The following FMNL2 variants were observed in gnomAD, a reference collection of about 807,000 sequenced individuals.
The protein encoded by FMNL2 is formin-like protein 2.
FMNL2 carries 51 observed loss-of-function variants against 130.2 expected under a neutral mutation model. That is an observed-to-expected ratio of 0.39 (90% CI 0.31 to 0.49). The LOEUF (loss-of-function observed/expected upper bound fraction) is 0.49. Among genes scored for constraint, FMNL2 ranks in the 20% least tolerant of loss-of-function variants. The probability of loss-of-function intolerance (pLI) is 0.85; values close to 1 mark genes in which losing one functional copy is unlikely to be tolerated. For missense variants in FMNL2, 977 were observed against 1,316.2 expected (o/e 0.74, Z 3.99); for synonymous variants, 465 against 467.1 (o/e 1.00, Z 0.06).
intron 25 of FMNL2, chr2:152,643,449 C>T (rs1350103929): frequency 3.3e-6 from 5 of 1,536,132 alleles, no homozygotes; most frequent in East Asian, 2.4e-5. Flanking sequence ...ACTGCTCGCA[C>T]CGCCAAGCGT....
intron 2 of FMNL2, among the ~76,000 whole-genome samples, chr2:152,523,212 A>G (rs1308212117): frequency 2.6e-5 from 4 of 152,224 alleles, no homozygotes; most frequent in Non-Finnish European, 5.9e-5. Context: ...GGACTTATGG[A>G]GAAATTATTT....
In FMNL2 at chr2:152,649,398, T is replaced by A. The variant is rs1683885927; in HGVS notation, c.*1493T>A. ...TATAGTTTTTTTTAATATATATATT[T>A]AACTATAAGGACAGTTTAGGGAACA... On this transcript the variant is annotated 3_prime_UTR_variant, in exon 26 of 26. Transcript: ENST00000288670. 2 of 152,498 alleles carry A rather than the reference T, an allele frequency of 1.3e-5. No individual in the cohort carries two copies. Among genetic ancestry groups the A allele is most frequent in the Non-Finnish European group, 2.9e-5 (2 of 68,022 alleles). The allele number at this position is 152,498 out of a possible 1,614,324, so 9.4% of individuals were successfully genotyped here. A position where few individuals can be genotyped will look rare whatever the true frequency, so the allele number is the denominator to read the frequency against.
intron 2 of FMNL2, among the ~76,000 whole-genome samples, chr2:152,523,033 T>C (rs953877663): frequency 7.9e-5 from 12 of 152,316 alleles, no homozygotes; most frequent in Admixed American, 7.2e-4. Context: ...CAAATATTAA[T>C]ACAAATATTA....
chr2:152,577,528 G>A (rs1229545182), intron 7 of FMNL2, among the ~76,000 whole-genome samples: 2 of 152,150 alleles, frequency 1.3e-5, no homozygotes, highest in African/African-American at 4.8e-5. Flanking sequence ...ATCAGTAGGG[G>A]TAGACTGAGA....
At position 152,631,380 on chromosome 2, in the gene FMNL2, G is replaced by A. The variant is rs930240927; in HGVS notation, c.2551-628G>A. Among the ~76,000 whole-genome samples, 9 of 113,938 alleles carry A rather than the reference G, an allele frequency of 7.9e-5. No homozygotes were observed. The East Asian group carries it at 1.6e-3, about 20-fold the overall frequency. The allele number at this position is 113,938 out of a possible 152,430, so 74.7% of individuals were successfully genotyped here. ...TGCACTCCACCCTGGGCGACAGAACGAGACTCCATCTCAAAAAAAAAAAAA... is the reference window on the plus strand; with the variant it reads ...TGCACTCCACCCTGGGCGACAGAACAAGACTCCATCTCAAAAAAAAAAAAA... On this transcript the variant is annotated intron_variant, in intron 20 of 25. Transcript: ENST00000288670.
At chr2:152,340,369 T>G (rs1342479753) in intron 1 of FMNL2, among the ~76,000 whole-genome samples, 1 of 152,222 alleles carries the variant, frequency 6.6e-6, no homozygotes, top group Non-Finnish European at 1.5e-5. Flanking sequence ...AATTCCTGTC[T>G]GGTTAGTGCA....
At position 152,624,209 on chromosome 2, in the gene FMNL2, G is replaced by A. The variant is rs539891139; in HGVS notation, c.1838-1229G>A. On this transcript the variant is annotated intron_variant, in intron 15 of 25. Coordinates refer to ENST00000288670, the MANE Select transcript of FMNL2 (RefSeq NM_052905.4). ...TTTCGCTCTTGTTACCCAGGCTAGA[G>A]TGCTATGGCGTGATCTCGGTGCACT... is the stretch of plus-strand genomic sequence containing the variant. Among the ~76,000 whole-genome samples, 5 of 150,880 alleles carry A rather than the reference G, an allele frequency of 3.3e-5. No individual in the cohort carries two copies. The East Asian group carries it at 1.0e-3, about 30-fold the overall frequency.
chr2:152,586,371 C>G (rs1311089918), intron 9 of FMNL2, among the ~76,000 whole-genome samples: 1 of 152,190 alleles, frequency 6.6e-6, no homozygotes, highest in Non-Finnish European at 1.5e-5. Flanking sequence ...GGCACTCGTG[C>G]TACACATTAT....
intron 1 of FMNL2, among the ~76,000 whole-genome samples, chr2:152,453,498 C>G (rs1028686904): frequency 1.3e-5 from 2 of 152,164 alleles, no homozygotes; most frequent in South Asian, 4.1e-4. Context: ...ATTGCCAGGA[C>G]GCTTGTTTTG....
At chr2:152,413,122 G>A (rs1167172047) in intron 1 of FMNL2, among the ~76,000 whole-genome samples, 2 of 152,150 alleles carry the variant, frequency 1.3e-5, no homozygotes, top group Non-Finnish European at 2.9e-5. Flanking sequence ...GGCAAGTCAA[G>A]GTGACAGTTT....
intron 1 of FMNL2, among the ~76,000 whole-genome samples, chr2:152,365,353 T>C (rs900330490): frequency 4.6e-5 from 7 of 152,130 alleles, no homozygotes; most frequent in Admixed American, 1.3e-4. Context: ...ATAGTTGCTA[T>C]GGCTAGAAGA....
intron 25 of FMNL2, among the ~76,000 whole-genome samples, chr2:152,644,905 T>G (rs1372144573): frequency 2.6e-5 from 4 of 152,130 alleles, no homozygotes; most frequent in African/African-American, 9.7e-5. Context: ...GAAACGAACT[T>G]CTCTCCAGTG....
intron 2 of FMNL2, among the ~76,000 whole-genome samples, chr2:152,540,104 A>G (rs1316658886): frequency 6.6e-6 from 1 of 152,156 alleles, no homozygotes; most frequent in East Asian, 1.9e-4. Flanking sequence ...ATTTTTTTTG[A>G]ATAATTGGAA....
chr2:152,385,116 G>C (rs1684706426), intron 1 of FMNL2, among the ~76,000 whole-genome samples: 1 of 152,238 alleles, frequency 6.6e-6, no homozygotes, highest in South Asian at 2.1e-4. Flanking sequence ...GTGTGGGATT[G>C]CTCCTGTATT....
At chr2:152,402,078 A>G (rs991087369) in intron 1 of FMNL2, among the ~76,000 whole-genome samples, 10 of 151,528 alleles carry the variant, frequency 6.6e-5, no homozygotes, top group African/African-American at 1.2e-4. Context: ...AATTTTTTGT[A>G]TTTTTAGTAG....
At chr2:152,423,685 T>C (rs1037874775) in intron 1 of FMNL2, among the ~76,000 whole-genome samples, 1 of 152,170 alleles carries the variant, frequency 6.6e-6, no homozygotes, top group Non-Finnish European at 1.5e-5. Flanking sequence ...CTTGGTATCA[T>C]AGGGAGCAAA....
chr2:152,430,732 G>A (rs1478798217), intron 1 of FMNL2, among the ~76,000 whole-genome samples: 1 of 152,128 alleles, frequency 6.6e-6, no homozygotes, highest in African/African-American at 2.4e-5. Flanking sequence ...AATTAGCGGG[G>A]CATGGTGGCA....
At chr2:152,418,761 A>G (rs1343601250) in intron 1 of FMNL2, among the ~76,000 whole-genome samples, 3 of 152,200 alleles carry the variant, frequency 2.0e-5, no homozygotes, top group Admixed American at 6.5e-5. Flanking sequence ...TAATGCTACT[A>G]TGAACATTGG....
chr2:152,554,249 A>T (rs962466594), intron 4 of FMNL2, among the ~76,000 whole-genome samples: 2 of 152,186 alleles, frequency 1.3e-5, no homozygotes, highest in East Asian at 1.9e-4. Context: ...TCTATAAAAA[A>T]TACAAAAATT....
Sources: allele counts gnomAD v4.1 joint callset (sites outside exome capture counted in the v4.1 genomes callset), GRCh38; gene constraint gnomAD v4.1.1; transcripts MANE v1.5; gene names NCBI Gene and HGNC (gene_info 2026-07-23, HGNC 2026-07-21).